BMP5: variants seen among roughly 807,000 people sequenced by gnomAD.
BMP5 encodes bone morphogenetic protein 5.
In BMP5, 23 loss-of-function variants were observed where a neutral mutation model predicts 46.6. That is an observed-to-expected ratio of 0.49 (90% confidence interval 0.35 to 0.70). The LOEUF (loss-of-function observed/expected upper bound fraction) is 0.70, where lower values mean the gene tolerates loss of function less well. BMP5 is among the 30% of genes least tolerant of loss of function. BMP5 has a pLI of 0.00. For synonymous variants in BMP5, 204 were observed against 191.9 expected, an observed-to-expected ratio of 1.06 and a Z score of -0.52; for missense variants, 545 against 565.6, an observed-to-expected ratio of 0.96 and a Z score of 0.37.
chr6:55,798,772 G>A (rs1051171262), intron 2 of BMP5, among the ~76,000 whole-genome samples: 10 of 152,148 alleles, frequency 6.6e-5, no homozygotes, highest in Admixed American at 5.2e-4. Flanking sequence ...ATGACCAGAA[G>A]TTTAAACATG....
intron 1 of BMP5, among the ~76,000 whole-genome samples, chr6:55,852,256 T>C (rs1455403900): frequency 6.6e-6 from 1 of 152,112 alleles, no homozygotes; most frequent in Non-Finnish European, 1.5e-5. Context: ...AGTTCTTAGC[T>C]GATTTTTATT....
intron 2 of BMP5, among the ~76,000 whole-genome samples, chr6:55,808,831 G>A (rs537360774): frequency 4.6e-5 from 7 of 152,186 alleles, no homozygotes; most frequent in Admixed American, 2.6e-4. Context: ...TGGATACCTC[G>A]GTTGCTGGTG....
chr6:55,795,506 T>C (rs1057113543), intron 2 of BMP5, among the ~76,000 whole-genome samples: 3 of 152,094 alleles, frequency 2.0e-5, no homozygotes, highest in Admixed American at 1.3e-4. Flanking sequence ...GCATTTTCTG[T>C]CTGTATACAT....
chr6:55,810,425 T>C (rs1377254651), intron 2 of BMP5, among the ~76,000 whole-genome samples: 1 of 152,198 alleles, frequency 6.6e-6, no homozygotes, highest in Non-Finnish European at 1.5e-5. Context: ...ACATTTTTAA[T>C]ATTTAGTAGG....
In BMP5 at chr6:55,814,900, C is replaced by T. The variant is rs139983360; in HGVS notation, c.683+4755G>A. Among the ~76,000 whole-genome samples, 924 of 152,154 alleles carry T rather than the reference C, an allele frequency of 6.1e-3. 10 individuals carry two copies. Among genetic ancestry groups the T allele is most frequent in the African/African-American group, 0.02 (847 of 41,514 alleles). On this transcript the variant is annotated intron_variant, in intron 2 of 6. Coordinates refer to ENST00000370830, the MANE Select transcript of BMP5 (RefSeq NM_021073.4). ...ATCCCAACACTTTGGGAGGCTGAGG[C>T]GGGTGGATCACCTGAGGTCAGGAGT...
intron 2 of BMP5, among the ~76,000 whole-genome samples, chr6:55,814,984 T>G (rs527991870): frequency 8.1e-4 from 123 of 151,802 alleles, no homozygotes; most frequent in African/African-American, 2.8e-3. Context: ...AATACAAAAA[T>G]TAGCCAGGTG....
At chr6:55,863,989 G>A (rs1245109629) in intron 1 of BMP5, among the ~76,000 whole-genome samples, 1 of 151,588 alleles carries the variant, frequency 6.6e-6, no homozygotes, top group African/African-American at 2.4e-5. Context: ...TTTCTCAGAA[G>A]GTACACCCCC....
intron 6 of BMP5, among the ~76,000 whole-genome samples, chr6:55,758,178 C>A (rs1307630040): frequency 2.0e-5 from 3 of 151,874 alleles, no homozygotes; most frequent in Non-Finnish European, 4.4e-5. Flanking sequence ...TGTTCTCTCC[C>A]ATTCTTCTTA....
intron 2 of BMP5, among the ~76,000 whole-genome samples, chr6:55,808,857 G>A (rs1310548743): frequency 6.6e-6 from 1 of 152,108 alleles, no homozygotes; most frequent in Non-Finnish European, 1.5e-5. Context: ...TTTGCATGCT[G>A]TTGTGGTTCT....
At chr6:55,850,390 A>ATAGATAGG (rs1300573171) in intron 1 of BMP5, among the ~76,000 whole-genome samples, 3,149 of 141,318 alleles carry the variant, frequency 0.022, 99 homozygotes, top group African/African-American at 0.081. Flanking sequence ...AGATAGATAG[A>ATAGATAGG]TAGATCGATA....
rs564199196 is a variant in BMP5, at chr6:55,854,725, C to A, written c.490+19651G>T. The stretch of plus-strand genomic sequence containing the variant: ...TATGCTTCATTGAATTGATAGATTC[C>A]CTAAAATTAAATCATCCTTTCATTT... On this transcript the variant is annotated intron_variant, in intron 1 of 6. Transcript: ENST00000370830. Among the ~76,000 whole-genome samples the A allele has an allele frequency of 2.4e-3, 365 of 151,824 alleles. 4 individuals are homozygous for A. Among genetic ancestry groups the A allele is most frequent in the Non-Finnish European group, 4.3e-4 (29 of 67,878 alleles).
intron 1 of BMP5, among the ~76,000 whole-genome samples, chr6:55,826,040 C>T (rs1449966127): frequency 6.6e-6 from 1 of 151,802 alleles, no homozygotes; most frequent in African/African-American, 2.4e-5. Flanking sequence ...CATCACTTTC[C>T]AAGATATCCT....
intron 1 of BMP5, among the ~76,000 whole-genome samples, chr6:55,850,865 T>G (rs1777225664): frequency 6.6e-6 from 1 of 152,152 alleles, no homozygotes. Context: ...ATTTCCTCAT[T>G]GCAAACAGGA....
chr6:55,818,227 A>G (rs9475414), intron 2 of BMP5, among the ~76,000 whole-genome samples: 2,893 of 151,770 alleles, frequency 0.019, 78 homozygotes, highest in African/African-American at 0.064. Context: ...TAAACCAGAG[A>G]TAGAGCAGCA....
intron 2 of BMP5, among the ~76,000 whole-genome samples, chr6:55,805,732 T>A (rs544707847): frequency 3.8e-4 from 58 of 152,278 alleles, no homozygotes; most frequent in Admixed American, 5.2e-4. Flanking sequence ...GCATCTATTG[T>A]TTATTGACTT....
At chr6:55,821,735 A>T (rs541197439) in intron 1 of BMP5, among the ~76,000 whole-genome samples, 1 of 152,288 alleles carries the variant, frequency 6.6e-6, no homozygotes, top group Admixed American at 6.5e-5. Flanking sequence ...GACTGCCATG[A>T]TAGTGCAGAC....
intron 1 of BMP5, among the ~76,000 whole-genome samples, chr6:55,849,659 CAG>C (rs1398786136): frequency 6.6e-6 from 1 of 151,986 alleles, no homozygotes. Context: ...ATATGTAGAA[CAG>C]AGTGAGGAGT....
intron 4 of BMP5, among the ~76,000 whole-genome samples, chr6:55,770,606 G>A (rs767455435): frequency 2.6e-5 from 4 of 151,910 alleles, no homozygotes; most frequent in Non-Finnish European, 5.9e-5. Context: ...TTCCTTTGCA[G>A]TCACAACTTG....
At chr6:55,771,388 G>A (rs547936028) in intron 4 of BMP5, among the ~76,000 whole-genome samples, 1 of 151,938 alleles carries the variant, frequency 6.6e-6, no homozygotes, top group African/African-American at 2.4e-5. Flanking sequence ...CTTCCACAAT[G>A]TGTCTGTTCA....
Sources: allele counts gnomAD v4.1 joint callset (sites outside exome capture counted in the v4.1 genomes callset), GRCh38; gene constraint gnomAD v4.1.1; transcripts MANE v1.5; gene names NCBI Gene and HGNC (gene_info 2026-07-23, HGNC 2026-07-21).